FUT9: variants seen among roughly 807,000 people sequenced by gnomAD.
The protein encoded by FUT9 is fucosyltransferase 9, also known as 4-galactosyl-N-acetylglucosaminide 3-alpha-L-fucosyltransferase 9.
Under a neutral mutation model 29.7 loss-of-function variants are expected in FUT9, and 15 were observed. That is an observed-to-expected ratio of 0.51 (90% CI 0.34 to 0.78). The LOEUF (loss-of-function observed/expected upper bound fraction) is 0.78. Among genes scored for constraint, FUT9 ranks in the 30% least tolerant of loss-of-function variants. FUT9 has a pLI of 0.01. For synonymous variants in FUT9, 169 were observed against 153.7 expected, an observed-to-expected ratio of 1.10 and a Z score of -0.74; for missense variants, 319 against 425.4, an observed-to-expected ratio of 0.75 and a Z score of 2.20.
At chr6:96,194,694 G>A (rs1773586410) in intron 2 of FUT9, among the ~76,000 whole-genome samples, 1 of 78,798 alleles carries the variant, frequency 1.3e-5, no homozygotes, top group African/African-American at 3.5e-5. Context: ...CCCAAAATGA[G>A]AGTTTTGGAT....
rs1773895522 is a variant in FUT9 at position 96,209,521 on chromosome 6, C to A, written c.*5286C>A. On this transcript the variant is annotated 3_prime_UTR_variant, in exon 3 of 3. Coordinates refer to ENST00000302103, the MANE Select transcript of FUT9 (RefSeq NM_006581.4). ...TTGAAATATTTTAGAGTTTTCTGTACTATTCAAACTCTTATTACAAAAATC... is the reference window on the plus strand; with the variant it reads ...TTGAAATATTTTAGAGTTTTCTGTAATATTCAAACTCTTATTACAAAAATC... 1 of 166,642 alleles carries A rather than the reference C, an allele frequency of 6.0e-6. No homozygotes were observed. Among genetic ancestry groups the A allele is most frequent in the Admixed American group, 6.6e-5 (1 of 15,212 alleles). The allele number at this position is 166,642 out of a possible 1,614,324, so 10.3% of individuals were successfully genotyped here.
At chr6:96,099,722 G>A (rs962029816) in intron 1 of FUT9, among the ~76,000 whole-genome samples, 2 of 151,812 alleles carry the variant, frequency 1.3e-5, no homozygotes, top group Non-Finnish European at 2.9e-5. Context: ...GCCTTTTGAT[G>A]GCCAGACACT....
intron 2 of FUT9, among the ~76,000 whole-genome samples, chr6:96,171,595 G>A (rs528139074): frequency 2.2e-4 from 33 of 152,234 alleles, no homozygotes; most frequent in African/African-American, 3.6e-4. Flanking sequence ...TTGTTGCTCC[G>A]TGCATACCAA....
chr6:96,095,360 G>A (rs1005585878), intron 1 of FUT9, among the ~76,000 whole-genome samples: 13 of 152,104 alleles, frequency 8.5e-5, no homozygotes, highest in Admixed American at 5.2e-4. Context: ...ACTCCTCTAT[G>A]GAGATGATTA....
At chr6:96,127,817 G>A (rs1291541422) in intron 2 of FUT9, among the ~76,000 whole-genome samples, 1 of 152,108 alleles carries the variant, frequency 6.6e-6, no homozygotes, top group African/African-American at 2.4e-5. Context: ...TTGGCCATGT[G>A]TATGTCTTCT....
intron 1 of FUT9, among the ~76,000 whole-genome samples, chr6:96,077,088 A>C (rs944502594): frequency 3.9e-5 from 6 of 152,102 alleles, no homozygotes; most frequent in African/African-American, 1.4e-4. Flanking sequence ...TCAGAGACAC[A>C]ATACTCACAA....
rs1773842294 is a variant in FUT9 at position 96,207,010 on chromosome 6, G to C, written c.*2775G>C. 6.0e-6 allele frequency: 1 copy of C among 166,910 alleles called. No individual in the cohort carries two copies. 10.3% of individuals were successfully genotyped at this position (166,910 alleles called of 1,614,324 possible). ...AGGTGCTTTGAAACCCCATTACTAA[G>C]TCCCAGAAGACTGTTTCCTAAATTT... is the stretch of plus-strand genomic sequence containing the variant. On this transcript the variant is annotated 3_prime_UTR_variant, in exon 3 of 3. Coordinates refer to ENST00000302103, the MANE Select transcript of FUT9 (RefSeq NM_006581.4).
At chr6:96,171,398 T>C (rs1773110196) in intron 2 of FUT9, among the ~76,000 whole-genome samples, 1 of 152,112 alleles carries the variant, frequency 6.6e-6, no homozygotes, top group African/African-American at 2.4e-5. Context: ...CACTGTTGGG[T>C]TCCAACTGCC....
At chr6:96,073,250 A>G (rs1341709626) in intron 1 of FUT9, among the ~76,000 whole-genome samples, 7 of 152,072 alleles carry the variant, frequency 4.6e-5, no homozygotes, top group Non-Finnish European at 8.8e-5. Flanking sequence ...GGTGTTTGAG[A>G]CCAGCCTGGT....
chr6:96,138,584 T>A (rs1177132327), intron 2 of FUT9, among the ~76,000 whole-genome samples: 1 of 152,048 alleles, frequency 6.6e-6, no homozygotes, highest in Non-Finnish European at 1.5e-5. Context: ...GCACAGATGG[T>A]TAGCAACAAG....
At chr6:96,141,269 A>G (rs1415578585) in intron 2 of FUT9, among the ~76,000 whole-genome samples, 1 of 152,098 alleles carries the variant, frequency 6.6e-6, no homozygotes, top group Non-Finnish European at 1.5e-5. Flanking sequence ...CTTTTGTATC[A>G]TTTTTCCAAA....
At chr6:96,104,865 C>A (rs1235686658) in intron 1 of FUT9, among the ~76,000 whole-genome samples, 1 of 152,080 alleles carries the variant, frequency 6.6e-6, no homozygotes, top group Non-Finnish European at 1.5e-5. Context: ...GTTTTCTACA[C>A]AAAATAGAAG....
rs148401910 is a variant in FUT9, at chr6:96,101,700, C to T, written c.-97-12339C>T. Among the ~76,000 whole-genome samples, 1,286 of 151,952 alleles carry T rather than the reference C, an allele frequency of 8.5e-3. 10 individuals carry two copies. The highest frequency in any genetic ancestry group is 0.015 in the Non-Finnish European group (997 of 67,954). The stretch of plus-strand genomic sequence containing the variant: ...ACAAGATTTCATTATGTTGCCCAGG[C>T]TGGAGTGCAGTGGTGCAATCACAGC... On this transcript the variant is annotated intron_variant, in intron 1 of 2. Coordinates refer to ENST00000302103, the MANE Select transcript of FUT9 (RefSeq NM_006581.4).
chr6:96,181,411 C>T (rs937227444), intron 2 of FUT9, among the ~76,000 whole-genome samples: 2 of 147,794 alleles, frequency 1.4e-5, no homozygotes, highest in African/African-American at 4.9e-5. Flanking sequence ...TAAGGCATCT[C>T]CATTTTATTT....
At chr6:96,031,559 T>C (rs959820108) in intron 1 of FUT9, among the ~76,000 whole-genome samples, 5 of 151,444 alleles carry the variant, frequency 3.3e-5, no homozygotes, top group African/African-American at 1.2e-4. Context: ...TAAAAGATTA[T>C]CTGCCCACAA....
At chr6:96,116,384 A>AGTTAAAT (rs1771911544) in intron 2 of FUT9, among the ~76,000 whole-genome samples, 1 of 152,202 alleles carries the variant, frequency 6.6e-6, no homozygotes, top group African/African-American at 2.4e-5. Flanking sequence ...TTTCCTATGA[A>AGTTAAAT]GTTAAATGCT....
At chr6:96,072,620 A>G (rs1310294552) in intron 1 of FUT9, among the ~76,000 whole-genome samples, 1 of 152,202 alleles carries the variant, frequency 6.6e-6, no homozygotes, top group Non-Finnish European at 1.5e-5. Context: ...GGTTATTTTT[A>G]TAATGCCTTT....
intron 1 of FUT9, among the ~76,000 whole-genome samples, chr6:96,039,478 C>T (rs548027497): frequency 3.4e-4 from 52 of 152,142 alleles, no homozygotes; most frequent in African/African-American, 1.2e-3. Context: ...ACTGTGCACC[C>T]GCTATCTCAT....
In FUT9 at chr6:96,117,024, C is replaced by T. The variant is rs6923853; in HGVS notation, c.-9+2897C>T. Among the ~76,000 whole-genome samples the T allele has an allele frequency of 6.1e-3, 933 of 152,174 alleles. 10 individuals carry two copies. The highest frequency in any genetic ancestry group is 0.021 in the African/African-American group (888 of 41,518). On this transcript the variant is annotated intron_variant, in intron 2 of 2. Transcript: ENST00000302103. ...GGAAACAGTGACAAGTGAACCTAAC[C>T]ATCTTACAAATGTAATATATAAACT...
Sources: allele counts gnomAD v4.1 joint callset (sites outside exome capture counted in the v4.1 genomes callset), GRCh38; gene constraint gnomAD v4.1.1; transcripts MANE v1.5; gene names NCBI Gene and HGNC (gene_info 2026-07-23, HGNC 2026-07-21).